Variants in ERCC6L2 observed in about 807,000 individuals in gnomAD.
ERCC6L2 encodes the protein DNA excision repair protein ERCC-6-like 2.
A neutral mutation model predicts 132.0 loss-of-function variants in ERCC6L2; 77 were observed. The ratio of observed to expected loss-of-function variants is 0.58; its 90% confidence interval spans 0.49 to 0.71. ERCC6L2 has a LOEUF of 0.71. Ranked by LOEUF, ERCC6L2 falls within the 30% of genes least tolerant of loss-of-function variation. ERCC6L2 has a pLI of 0.00. For missense variants in ERCC6L2, 1,542 were observed against 1,837.6 expected (o/e 0.84, Z 2.94); for synonymous variants, 583 against 632.4 (o/e 0.92, Z 1.17).
intron 2 of ERCC6L2, among the ~76,000 whole-genome samples, chr9:95,885,213 C>T (rs1827800798): frequency 6.6e-6 from 1 of 152,152 alleles, no homozygotes; most frequent in Non-Finnish European, 1.5e-5. Flanking sequence ...GCCATATTCT[C>T]ACCACTTAGA....
At chr9:95,896,335 C>T (rs958792647) in intron 2 of ERCC6L2, among the ~76,000 whole-genome samples, 2 of 150,432 alleles carry the variant, frequency 1.3e-5, no homozygotes, top group African/African-American at 2.4e-5. Flanking sequence ...TGTATAGTAT[C>T]TTCCATTCTT....
Position 95,972,687 on chromosome 9 carries a change from T to A in ERCC6L2, c.2936T>A (p.Ile979Asn), listed in dbSNP as rs1262958317. 7.7e-7 allele frequency: 1 copy of A among 1,300,410 alleles called. No homozygotes were observed. The highest frequency in any genetic ancestry group is 1.5e-5 in the African/African-American group (1 of 65,858). The allele number at this position is 1,300,410 out of a possible 1,614,324, so 80.6% of individuals were successfully genotyped here. A position where few individuals can be genotyped will look rare whatever the true frequency, so the allele number is the denominator to read the frequency against. The change falls in exon 16 of 19, where the codon ATC becomes AAC. Residue 979 changes from isoleucine to asparagine, a missense_variant. Ile to Asn is a moderately radical substitution (Grantham distance 149, BLOSUM62 -3). Transcript: ENST00000653738. Reference sequence around the variant, plus strand: ...TTGAAAAGAAAAGGCACCAGTGATATCAGTGATGAATCTGATGACATTGAA... The same window carrying A: ...TTGAAAAGAAAAGGCACCAGTGATAACAGTGATGAATCTGATGACATTGAA... ...SILKRKGTSD[I>N]SDESDDIEIS...
intron 17 of ERCC6L2, among the ~76,000 whole-genome samples, chr9:95,996,125 AGATTAAAAGTGCT>A (rs2133174499): frequency 1.3e-5 from 2 of 152,388 alleles, no homozygotes; most frequent in East Asian, 3.9e-4. Flanking sequence ...TTCTGGAAGG[AGATTAAAAGTGCT>A]ACTTCAGTGA....
intron 19 of ERCC6L2, among the ~76,000 whole-genome samples, chr9:96,033,421 A>G (rs1247999408): frequency 2.0e-5 from 3 of 151,890 alleles, no homozygotes; most frequent in Non-Finnish European, 4.4e-5. Flanking sequence ...AATTTTTTGC[A>G]TTTTCAGTGG....
At chr9:96,024,276 A>G (rs1834332661) in intron 19 of ERCC6L2, among the ~76,000 whole-genome samples, 1 of 152,234 alleles carries the variant, frequency 6.6e-6, no homozygotes, top group Non-Finnish European at 1.5e-5. Context: ...ACCCTTTAGC[A>G]GAGGTGCTGG....
rs1334840493 is a variant in ERCC6L2 at position 95,917,488 on chromosome 9, A to G, written c.1158+1054A>G. Among the ~76,000 whole-genome samples the G allele has an allele frequency of 2.6e-5, 4 of 152,230 alleles. No individual in the cohort carries two copies. The South Asian group carries it at 6.2e-4, about 24-fold the overall frequency. On this transcript the variant is annotated intron_variant, in intron 6 of 18. Transcript: ENST00000653738. ...TTAAAAAGATAGATTTGAAAGGAAA[A>G]TACGATATTGATATGCAAGTTGGGG...
intron 2 of ERCC6L2, among the ~76,000 whole-genome samples, chr9:95,891,439 G>A (rs1828157718): frequency 6.6e-6 from 1 of 152,166 alleles, no homozygotes; most frequent in African/African-American, 2.4e-5. Context: ...AATGCATTCA[G>A]AATGTTGTGC....
chr9:95,893,838 G>A (rs1828296217), intron 2 of ERCC6L2, among the ~76,000 whole-genome samples: 1 of 152,000 alleles, frequency 6.6e-6, no homozygotes, highest in South Asian at 2.1e-4. Context: ...TGGCATTGTT[G>A]ATCATTTTCA....
intron 3 of ERCC6L2, among the ~76,000 whole-genome samples, chr9:95,901,048 T>G (rs1414481618): frequency 6.6e-6 from 1 of 151,260 alleles, no homozygotes; most frequent in Non-Finnish European, 1.5e-5. Flanking sequence ...CACTCCAGCT[T>G]GGGTGACAGA....
chr9:95,897,755 T>TA, intron 2 of ERCC6L2, 94 bp from the exon 3 acceptor site: 1 of 1,258,068 alleles, frequency 7.9e-7, no homozygotes, highest in Non-Finnish European at 1.1e-6. Flanking sequence ...TCTTTGTACA[T>TA]ACTTTGTCAC....
At chr9:95,955,865 C>G (rs758744613) in intron 12 of ERCC6L2, 49 bp from the exon 13 acceptor site, 2 of 1,162,306 alleles carry the variant, frequency 1.7e-6, no homozygotes, top group Non-Finnish European at 2.4e-6. Context: ...CCTCTTCAAC[C>G]CAAAGTTGCT....
chr9:95,972,335 A>G lies in ERCC6L2; in HGVS notation c.2584A>G (p.Ile862Val). The change falls in exon 16 of 19, where the codon ATT becomes GTT. Residue 862 changes from isoleucine to valine, a missense_variant. This residue lies in a region of ERCC6L2 where 945 missense variants were observed against 1,105.2 expected (regional missense o/e 0.86). Transcript: ENST00000653738. ...DNILNPKEKH[I>V]FYKSEKILEQ... ...CATCCTAAATCCAAAAGAAAAGCAT[A>G]TTTTTTATAAAAGTGAGAAGATTTT... The G allele has an allele frequency of 7.8e-7, 1 of 1,289,618 alleles. No homozygotes were observed. The highest frequency in any genetic ancestry group is 1.3e-5 in the South Asian group (1 of 78,002). 79.9% of individuals were successfully genotyped at this position (1,289,618 alleles called of 1,614,324 possible).
In ERCC6L2 at chr9:96,013,161, T is replaced by G; in HGVS notation, c.4611T>G (p.Ser1537Arg). 7.3e-7 allele frequency: 1 copy of G among 1,366,340 alleles called. No homozygotes were observed. The highest frequency in any genetic ancestry group is 2.1e-4 in the Middle Eastern group (1 of 4,758). 84.6% of individuals were successfully genotyped at this position (1,366,340 alleles called of 1,614,324 possible). Residue 1537 changes from serine (S) to arginine (R), a missense_variant, in exon 19 of 19, where the codon AGT becomes AGG. Physicochemically the swap from Ser to Arg is moderately radical, Grantham distance 110 (BLOSUM62 -1). This residue lies in a region of ERCC6L2 where 442 missense variants were observed against 583.4 expected (regional missense o/e 0.76). Coordinates refer to ENST00000653738, the MANE Select transcript of ERCC6L2 (RefSeq NM_020207.7). ...EKFLWKKFSP[S>R]DTDENATNTQ... Reference sequence around the variant, plus strand: ...TTTTATGGAAGAAATTTAGCCCAAGTGATACAGATGAAAACGCAACCAATA... The same window carrying G: ...TTTTATGGAAGAAATTTAGCCCAAGGGATACAGATGAAAACGCAACCAATA...
intron 17 of ERCC6L2, among the ~76,000 whole-genome samples, chr9:96,001,782 G>A (rs1018724543): frequency 6.6e-6 from 1 of 152,242 alleles, no homozygotes; most frequent in South Asian, 2.1e-4. Flanking sequence ...GGCGCTCGTC[G>A]GGGAGGCTTG....
intron 16 of ERCC6L2, among the ~76,000 whole-genome samples, chr9:95,974,017 T>C (rs1353854984): frequency 6.6e-6 from 1 of 152,208 alleles, no homozygotes; most frequent in African/African-American, 2.4e-5. Context: ...TGGATCAGAC[T>C]CAGGTTCAGT....
At chr9:95,893,592 T>C (rs1388770915) in intron 2 of ERCC6L2, among the ~76,000 whole-genome samples, 2 of 152,206 alleles carry the variant, frequency 1.3e-5, no homozygotes, top group Admixed American at 1.3e-4. Flanking sequence ...TAACTTTCTT[T>C]GTGGAAGGTT....
At chr9:95,882,666 AG>A (rs1247809057) in intron 2 of ERCC6L2, among the ~76,000 whole-genome samples, 2 of 146,420 alleles carry the variant, frequency 1.4e-5, no homozygotes, top group African/African-American at 5.1e-5. Flanking sequence ...GAAAAAGAAA[AG>A]AAAAAAAAAA....
In ERCC6L2 at chr9:96,026,379, G is replaced by A. The variant is rs921076296; in HGVS notation, c.*1504-12497G>A. 3.3e-5 allele frequency among the ~76,000 whole-genome samples: 5 copies of A among 152,144 alleles called. No homozygotes were observed. The East Asian group carries it at 7.7e-4, about 23-fold the overall frequency. ...GCTCAGGGCCTGGTAGCCAGGGCGC[G>A]GATCCCAGGAGGTGGATTCGGAACT... On this transcript the variant is annotated intron_variant and NMD_transcript_variant, in intron 19 of 20. Coordinates refer to the ERCC6L2 transcript ENST00000670016.
At chr9:95,888,703 T>C (rs980940045) in intron 2 of ERCC6L2, among the ~76,000 whole-genome samples, 2 of 152,106 alleles carry the variant, frequency 1.3e-5, no homozygotes, top group African/African-American at 4.8e-5. Flanking sequence ...ATTTCCCAAA[T>C]CTCCTTGCAT....
Sources: allele counts gnomAD v4.1 joint callset (sites outside exome capture counted in the v4.1 genomes callset), GRCh38; gene constraint gnomAD v4.1.1; regional missense constraint gnomAD v4.1.1; transcripts MANE v1.5; gene names NCBI Gene and HGNC (gene_info 2026-07-23, HGNC 2026-07-21).